The following DNAH2 variants were observed in gnomAD, a reference collection of about 807,000 sequenced individuals.
DNAH2 encodes dynein axonemal heavy chain 2, also known as axonemal beta dynein heavy chain 2.
In DNAH2, 323 loss-of-function variants were observed where a neutral mutation model predicts 523.5. The ratio of observed to expected loss-of-function variants is 0.62; its 90% confidence interval spans 0.56 to 0.68. DNAH2 has a LOEUF of 0.68. Among genes scored for constraint, DNAH2 ranks in the 30% least tolerant of loss-of-function variants. The pLI is 0.00. For missense variants in DNAH2, 4,907 were observed against 5,701.5 expected (o/e 0.86, Z 4.49); for synonymous variants, 2,093 against 2,177.4 (o/e 0.96, Z 1.08).
At chr17:7,740,614 G>T in intron 10 of DNAH2, 65 bp downstream of exon 10, 1 of 1,594,376 alleles carries the variant, frequency 6.3e-7, no homozygotes, top group Non-Finnish European at 8.5e-7. Context: ...CCCTCCTTCC[G>T]GAGGCCCTCC....
Position 7,786,410 on chromosome 17 carries a change from G to T in DNAH2, c.6348+68G>T. The T allele has an allele frequency of 6.4e-7, 1 of 1,553,182 alleles. No homozygotes were observed. ...TAGTAAGAAGACAATGGAGGGTGGG[G>T]GCCAGGGAGGACCTTGCAAGGCCGG... On this transcript the variant is annotated intron_variant, in intron 40 of 85. Coordinates refer to ENST00000572933, the MANE Select transcript of DNAH2 (RefSeq NM_020877.5). This position sits in a 1 kb window ranked among gnomAD's most constrained non-coding sequence, Gnocchi z 7.5.
At position 7,768,113 on chromosome 17, in the gene DNAH2, C is replaced by T. The variant is rs547478084; in HGVS notation, c.3838-51C>T. The T allele has an allele frequency of 9.3e-6, 15 of 1,614,134 alleles. No homozygotes were observed. In the East Asian group the frequency reaches 3.1e-4, roughly 34 times the overall value. ...AGAGAAGCTGGTGGAGGATCTGGGT[C>T]TGTTCCCAGGGAGGTCGTCGGGTCT... On this transcript the variant is annotated intron_variant, in intron 23 of 85. Transcript: ENST00000572933.
intron 12 of DNAH2, chr17:7,743,914 C>T (rs2075436871): frequency 6.6e-6 from 1 of 152,350 alleles, no homozygotes. Context: ...TTCCATGTGT[C>T]AGGAACTGAA....
Position 7,818,107 on chromosome 17 carries a change from G to A in DNAH2, c.10387+11G>A, listed in dbSNP as rs1275794171. The A allele has an allele frequency of 6.2e-7, 1 of 1,609,702 alleles. No homozygotes were observed. Among genetic ancestry groups the A allele is most frequent in the African/African-American group, 1.3e-5 (1 of 75,036 alleles). On this transcript the variant is annotated intron_variant, in intron 68 of 85. Transcript: ENST00000572933. ...CTGTAGCCCGAATCGGTCAGGACAA[G>A]TCCCCAAGACCAGCCAAGTGGGATG...
chr17:7,808,929 T>C (rs1024976951), intron 63 of DNAH2, among the ~76,000 whole-genome samples: 1 of 152,166 alleles, frequency 6.6e-6, no homozygotes, highest in Non-Finnish European at 1.5e-5. Context: ...CTATCTTATT[T>C]ACCTGTGAGT....
chr17:7,826,848 T>C (rs2078035858), intron 77 of DNAH2, among the ~76,000 whole-genome samples: 1 of 152,024 alleles, frequency 6.6e-6, no homozygotes, highest in Non-Finnish European at 1.5e-5. Flanking sequence ...CCCATCATCC[T>C]TTTAAGAAAG....
Sources: gnomAD v4.1 joint callset for allele counts (sites outside exome capture counted in the v4.1 genomes callset) on GRCh38, gnomAD v4.1.1 for gene constraint, Gnocchi (gnomAD v3.1) non-coding constraint, MANE v1.5 for transcripts, NCBI Gene and HGNC (gene_info 2026-07-23, HGNC 2026-07-21) for gene names.